The following EXPH5 variants were observed in gnomAD, a reference collection of about 807,000 sequenced individuals.
EXPH5 encodes exophilin 5.
A neutral mutation model predicts 41.1 loss-of-function variants in EXPH5; 42 were observed. The observed-to-expected ratio is 1.02, with a 90% confidence interval of 0.80 to 1.32. The LOEUF is 1.32. EXPH5 is among the 40% of genes most tolerant of loss of function. The pLI is 0.00. For synonymous variants in EXPH5, 798 were observed against 833.5 expected (o/e 0.96, Z 0.73); for missense variants, 2,298 against 2,314.5 (o/e 0.99, Z 0.15).
At chr11:108,532,366 A>ATATTTTTTTTTTTTTTTT (rs1555192606) in intron 3 of EXPH5, among the ~76,000 whole-genome samples, 1 of 32,144 alleles carries the variant, frequency 3.1e-5, no homozygotes, top group African/African-American at 2.0e-4. Context: ...ATATATATAT[A>ATATTTTTTTTTTTTTTTT]TTTTTTTTTT....
intron 1 of EXPH5, among the ~76,000 whole-genome samples, chr11:108,573,188 GAAAGAAAGAAAA>G (rs1412792238): frequency 2.2e-4 from 31 of 138,642 alleles, no homozygotes; most frequent in African/African-American, 9.2e-4. Context: ...AAGAAAGAAA[GAAAGAAAGAAAA>G]AGAAAGAAAG....
In EXPH5 at chr11:108,513,839, C is replaced by T; in HGVS notation, c.1668G>A (p.Gln556=). The T allele has an allele frequency of 6.2e-7, 1 of 1,608,600 alleles. No individual in the cohort carries two copies. Among genetic ancestry groups the T allele is most frequent in the Non-Finnish European group, 8.5e-7 (1 of 1,177,932 alleles). ...EEPHPWQFDF[Q]RSTLDSMVVS... is the part of the protein sequence containing the mutation. ...CCACCATGCTATCCAGTGTGGATCTCTGAAAATCAAACTGCCAAGGATGTG... is the reference window on the plus strand; with the variant it reads ...CCACCATGCTATCCAGTGTGGATCTTTGAAAATCAAACTGCCAAGGATGTG... Residue 556 remains glutamine (Q), a synonymous_variant, in exon 6 of 6, where the codon CAG becomes CAA. Coordinates refer to ENST00000265843, the MANE Select transcript of EXPH5 (RefSeq NM_015065.3).
At chr11:108,551,687 T>C (rs1030125173) in intron 1 of EXPH5, among the ~76,000 whole-genome samples, 1 of 152,136 alleles carries the variant, frequency 6.6e-6, no homozygotes, top group Non-Finnish European at 1.5e-5. Context: ...CTTAAGGACA[T>C]CTTGCCAAAT....
intron 1 of EXPH5, among the ~76,000 whole-genome samples, chr11:108,549,441 C>T (rs781288595): frequency 1.2e-4 from 19 of 152,124 alleles, no homozygotes; most frequent in Non-Finnish European, 2.5e-4. Flanking sequence ...TGACACCCAC[C>T]TCCCCCTCCT....
chr11:108,518,397 A>C (rs761412589), intron 4 of EXPH5, 24 bp from the exon 5 acceptor site: 1 of 1,609,846 alleles, frequency 6.2e-7, no homozygotes. Context: ...AGAGAACACA[A>C]TATTATTTCT....
At chr11:108,584,496 GA>G (rs2094107841) in intron 1 of EXPH5, among the ~76,000 whole-genome samples, 1 of 151,694 alleles carries the variant, frequency 6.6e-6, no homozygotes, top group South Asian at 2.1e-4. Context: ...AAAAAGGGAG[GA>G]AGCATACTAC....
At chr11:108,570,134 G>C (rs566476163) in intron 1 of EXPH5, among the ~76,000 whole-genome samples, 58 of 152,300 alleles carry the variant, frequency 3.8e-4, no homozygotes, top group Admixed American at 2.5e-3. Context: ...TGGAGGTATG[G>C]AATCTTCCAG....
At position 108,531,629 on chromosome 11, in the gene EXPH5, C is replaced by T. The variant is rs186049146; in HGVS notation, c.444-3445G>A. 6.5e-4 allele frequency among the ~76,000 whole-genome samples: 99 copies of T among 152,258 alleles called. 1 individual carries two copies. The highest frequency in any genetic ancestry group is 1.8e-3 in the Admixed American group (27 of 15,294). ...TTTCCATACCTTTATAGATACCATT[C>T]AGAAATTCTCACTCAATAGAGTAGG... On this transcript the variant is annotated intron_variant, in intron 3 of 5. Transcript: ENST00000265843.
Position 108,513,501 on chromosome 11 carries a change from T to C in EXPH5, c.2006A>G (p.His669Arg). ...NKPASHPMRSHTEVTVTSSNS... is the reference protein window; with the variant it reads ...NKPASHPMRSRTEVTVTSSNS... ...GCTGCTGGTCACAGTGACTTCTGTA[T>C]GGCTTCTCATTGGATGAGAGGCAGG... Residue 669 changes from histidine (H) to arginine (R), a missense_variant, in exon 6 of 6, where the codon CAT becomes CGT. His to Arg is a conservative substitution (Grantham distance 29). Coordinates refer to ENST00000265843, the MANE Select transcript of EXPH5 (RefSeq NM_015065.3). The C allele has an allele frequency of 2.5e-6, 4 of 1,614,198 alleles. No homozygotes were observed. Among genetic ancestry groups the C allele is most frequent in the Non-Finnish European group, 3.4e-6 (4 of 1,180,000 alleles).
chr11:108,569,769 A>T (rs17693854), intron 1 of EXPH5, among the ~76,000 whole-genome samples: 57,567 of 151,974 alleles, frequency 0.38, 13,150 homozygotes, highest in Non-Finnish European at 0.52. Context: ...GCTGTTGAAC[A>T]GAAATGTTAT....
chr11:108,533,315 T>C (rs2093856024), intron 3 of EXPH5, among the ~76,000 whole-genome samples: 1 of 152,096 alleles, frequency 6.6e-6, no homozygotes, highest in Admixed American at 6.6e-5. Context: ...GTGATTCTCC[T>C]GCCTCAGCCT....
rs759298950 is a variant in EXPH5, at chr11:108,514,865, G to C, written c.642C>G (p.Asp214Glu). 2.1e-6 allele frequency: 3 copies of C among 1,452,966 alleles called. No homozygotes were observed. The highest frequency in any genetic ancestry group is 2.7e-6 in the Non-Finnish European group (3 of 1,103,752). The allele number at this position is 1,452,966 out of a possible 1,614,324, so 90.0% of individuals were successfully genotyped here. A position where few individuals can be genotyped will look rare whatever the true frequency, so the allele number is the denominator to read the frequency against. ...LENEFFQVLD[D>E]LDSKLAQEQS... ...GTTCCTGAGCCAATTTGCTATCCAA[G>C]TCATCTAAAACTGAAAAGAGAATGT... The change falls in exon 6 of 6, where the codon GAC becomes GAG. Residue 214 changes from aspartate to glutamate, a missense_variant. Transcript: ENST00000265843.
the EXPH5 span, among the ~76,000 whole-genome samples, chr11:108,605,052 A>T: frequency 3.9e-5 from 6 of 152,192 alleles, no homozygotes; most frequent in Admixed American, 2.0e-4. Context: ...TAAGAACAAG[A>T]TCACTGGGAT....
chr11:108,512,681 G>C lies in EXPH5; in HGVS notation c.2826C>G (p.Asn942Lys), dbSNP rs150600620. The change falls in exon 6 of 6, where the codon AAC becomes AAG. Residue 942 changes from asparagine to lysine, a missense_variant. By Grantham distance (94) the Asn-to-Lys change is moderately conservative. Transcript: ENST00000265843. Reference sequence around the variant, plus strand: ...GCACAGGACTATCATTTCTCTCTTGGTTTTCTGAGTGGCTTACAATAAACT... The same window carrying C: ...GCACAGGACTATCATTTCTCTCTTGCTTTTCTGAGTGGCTTACAATAAACT... ...KNQFIVSHSE[N>K]QERNDSPVPT... The C allele has an allele frequency of 9.7e-4, 1,572 of 1,614,038 alleles. 33 individuals carry two copies. In the South Asian group the frequency reaches 0.016, roughly 17 times the overall value.
chr11:108,543,822 T>C (rs1175191646), intron 1 of EXPH5, among the ~76,000 whole-genome samples: 2 of 152,216 alleles, frequency 1.3e-5, no homozygotes, highest in Non-Finnish European at 2.9e-5. Flanking sequence ...AGAATTTGCA[T>C]TGGTGCCTCC....
chr11:108,524,907 C>T (rs7118229), intron 4 of EXPH5, among the ~76,000 whole-genome samples: 45,574 of 152,042 alleles, frequency 0.3, 9,262 homozygotes, highest in African/African-American at 0.58. Context: ...TGATATGGTT[C>T]GGTTGTGTCC....
chr11:108,527,287 T>C (rs2093806228), intron 4 of EXPH5, among the ~76,000 whole-genome samples: 1 of 151,932 alleles, frequency 6.6e-6, no homozygotes, highest in East Asian at 1.9e-4. Context: ...ACCACTGTAC[T>C]CCAGCCTGGG....
intron 1 of EXPH5, among the ~76,000 whole-genome samples, chr11:108,561,962 T>C (rs2094013613): frequency 6.6e-6 from 1 of 152,158 alleles, no homozygotes; most frequent in Non-Finnish European, 1.5e-5. Flanking sequence ...GGTTGATTGA[T>C]TGGCACCAGA....
chr11:108,525,139 G>A (rs1050696683), intron 4 of EXPH5, among the ~76,000 whole-genome samples: 12 of 152,110 alleles, frequency 7.9e-5, no homozygotes, highest in African/African-American at 2.9e-4. Context: ...TTCACCTTCC[G>A]CCATGATTGT....
Sources: gnomAD v4.1 joint callset for allele counts (sites outside exome capture counted in the v4.1 genomes callset) on GRCh38, gnomAD v4.1.1 for gene constraint, MANE v1.5 for transcripts, NCBI Gene and HGNC (gene_info 2026-07-23, HGNC 2026-07-21) for gene names.